EHBP1L1: variants seen among roughly 807,000 people sequenced by gnomAD.
EHBP1L1 encodes the protein EH domain-binding protein 1-like protein 1.
EHBP1L1 carries 122 observed loss-of-function variants against 151.1 expected under a neutral mutation model. The ratio of observed to expected loss-of-function variants is 0.81; its 90% CI spans 0.70 to 0.94. The LOEUF is 0.94. EHBP1L1 is among the 40% of genes least tolerant of loss of function. EHBP1L1 has a pLI of 0.00. For missense variants in EHBP1L1, 1,941 were observed against 1,959.8 expected (o/e 0.99, Z 0.18); for synonymous variants, 878 against 810.1 (o/e 1.08, Z -1.42).
At position 65,582,756 on chromosome 11, in the gene EHBP1L1, A is replaced by G. The variant is rs781045431; in HGVS notation, c.2084A>G (p.Gln695Arg). The change falls in exon 9 of 19, where the codon CAG (glutamine) becomes CGG (arginine). Residue 695 changes from glutamine to arginine, a missense_variant. By Grantham distance (43) the Gln-to-Arg change is conservative (BLOSUM62 1). Coordinates refer to ENST00000309295, the MANE Select transcript of EHBP1L1 (RefSeq NM_001099409.3). ...CCACTGAAGATAGAAGATACAATAC[A>G]GTCTGAGATGCTGGGGACCCAGGAG... ...LGPLKIEDTI[Q>R]SEMLGTQETE... The G allele has an allele frequency of 2.5e-6, 4 of 1,613,494 alleles. No individual in the cohort carries two copies. Among genetic ancestry groups the G allele is most frequent in the Non-Finnish European group, 3.4e-6 (4 of 1,179,850 alleles).
At chr11:65,587,239 G>A (rs1858017774) in intron 12 of EHBP1L1, among the ~76,000 whole-genome samples, 1 of 152,210 alleles carries the variant, frequency 6.6e-6, no homozygotes, top group Admixed American at 6.5e-5. Context: ...CGGGCATGGT[G>A]GTACAGGCCT....
In EHBP1L1 at chr11:65,579,140, G is replaced by C. The variant is rs1393418557; in HGVS notation, c.162+5G>C. The stretch of plus-strand genomic sequence containing the variant: ...AACCGACGCATCTGCTCCAAGGTGG[G>C]GAAGGATGGCAACTGGGGATCCAGG... On this transcript the variant is annotated splice_donor_5th_base_variant and intron_variant, in intron 2 of 18. Coordinates refer to ENST00000309295, the MANE Select transcript of EHBP1L1 (RefSeq NM_001099409.3). 1.3e-6 allele frequency: 2 copies of C among 1,590,774 alleles called. No homozygotes were observed. Among genetic ancestry groups the C allele is most frequent in the African/African-American group, 2.7e-5 (2 of 74,510 alleles).
intron 12 of EHBP1L1, among the ~76,000 whole-genome samples, chr11:65,586,002 TTCCCTGCAGG>T (rs1857950559): frequency 1.3e-5 from 2 of 152,284 alleles, no homozygotes; most frequent in Middle Eastern, 3.4e-3. Context: ...GGGCATTTCT[TTCCCTGCAGG>T]TGGCTCATCG....
In EHBP1L1 at chr11:65,582,397, G is replaced by C; in HGVS notation, c.1725G>C (p.Glu575Asp). The part of the protein sequence containing the change: ...GGSGDLETET[E>D]VVGLEVLGTQ... Reference sequence around the variant, plus strand: ...CAGGGGACCTGGAAACAGAGACTGAGGTGGTAGGGTTGGAGGTGCTGGGAA... The same window carrying C: ...CAGGGGACCTGGAAACAGAGACTGACGTGGTAGGGTTGGAGGTGCTGGGAA... Residue 575 changes from glutamate to aspartate, a missense_variant, in exon 9 of 19, where the codon GAG (glutamate) becomes GAC (aspartate). Coordinates refer to ENST00000309295, the MANE Select transcript of EHBP1L1 (RefSeq NM_001099409.3). 1 of 1,605,636 alleles carries C rather than the reference G, an allele frequency of 6.2e-7. No homozygotes were observed. The highest frequency in any genetic ancestry group is 1.1e-5 in the South Asian group (1 of 90,398).
chr11:65,583,886 C>T, intron 9 of EHBP1L1, 121 bp downstream of exon 9: 1 of 1,421,050 alleles, frequency 7.0e-7, no homozygotes, highest in South Asian at 1.6e-5. Flanking sequence ...GGGGGCTCAG[C>T]TTGAAGGAGC....
intron 11 of EHBP1L1, 123 bp from the exon 12 acceptor site, chr11:65,584,836 C>T (rs892751180): frequency 9.3e-6 from 12 of 1,290,450 alleles, no homozygotes; most frequent in Middle Eastern, 2.6e-4. Context: ...TAGGAGGGGG[C>T]GGTGTTGCTA....
chr11:65,592,110 G>C lies in EHBP1L1; in HGVS notation c.4472+20G>C, dbSNP rs1285768552. 6.2e-7 allele frequency: 1 copy of C among 1,612,062 alleles called. No individual in the cohort carries two copies. On this transcript the variant is annotated intron_variant, in intron 18 of 18. Coordinates refer to ENST00000309295, the MANE Select transcript of EHBP1L1 (RefSeq NM_001099409.3). ...GCGGATGTGAGTGGCGCTGGGCGGC[G>C]CTGGGAGTTGGGAGGGTCCGGGACT...
Position 65,582,158 on chromosome 11 carries a change from G to A in EHBP1L1, c.1486G>A (p.Glu496Lys), listed in dbSNP as rs759516296. 6.3e-6 allele frequency: 10 copies of A among 1,583,248 alleles called. No homozygotes were observed. Among genetic ancestry groups the A allele is most frequent in the South Asian group, 2.3e-5 (2 of 87,020 alleles). ...AGHSGQLGDL[E>K]GARAAAGQER... is the part of the protein sequence containing the mutation. The stretch of plus-strand genomic sequence containing the variant: ...GCACTCTGGGCAACTTGGTGACCTC[G>A]AGGGGGCCAGGGCTGCTGCAGGCCA... The change falls in exon 9 of 19, where the codon GAG becomes AAG. Residue 496 changes from glutamate to lysine, a missense_variant. Physicochemically the swap from Glu to Lys is moderately conservative, Grantham distance 56. Coordinates refer to ENST00000309295, the MANE Select transcript of EHBP1L1 (RefSeq NM_001099409.3).
At position 65,585,486 on chromosome 11, in the gene EHBP1L1, C is replaced by A; in HGVS notation, c.3828C>A (p.His1276Gln). Residue 1276 changes from histidine to glutamine, a missense_variant, in exon 12 of 19, where the codon CAC (histidine) becomes CAA (glutamine). Physicochemically the swap from His to Gln is conservative, Grantham distance 24. Transcript: ENST00000309295. This position sits in a 1 kb window ranked among gnomAD's most constrained non-coding sequence, Gnocchi z 4.0. ...PPPRAHGSFSHVRDADLLKKR... is the reference protein window; with the variant it reads ...PPPRAHGSFSQVRDADLLKKR... ...CCCGCGCGCACGGCTCCTTCTCCCA[C>A]GTGCGCGACGCGGACCTGCTCAAGA... 6.5e-7 allele frequency: 1 copy of A among 1,543,674 alleles called. No individual in the cohort carries two copies. The highest frequency in any genetic ancestry group is 1.4e-5 in the African/African-American group (1 of 73,230).
Position 65,585,562 on chromosome 11 carries a change from G to T in EHBP1L1, c.3904G>T (p.Asp1302Tyr), listed in dbSNP as rs1208124733. 2.5e-6 allele frequency: 4 copies of T among 1,582,266 alleles called. No homozygotes were observed. The highest frequency in any genetic ancestry group is 3.4e-6 in the Non-Finnish European group (4 of 1,171,696). ...CAGCTCGTTCTCGATGGACGATCCG[G>T]ACGCGGGAGCCATGGGAGCTGCGGC... Reference protein sequence around the residue: ...NSSSFSMDDPDAGAMGAAAAE... With the variant: ...NSSSFSMDDPYAGAMGAAAAE... Residue 1302 changes from aspartate (D) to tyrosine (Y), a missense_variant, in exon 12 of 19, where the codon GAC (aspartate) becomes TAC (tyrosine). Coordinates refer to ENST00000309295, the MANE Select transcript of EHBP1L1 (RefSeq NM_001099409.3). The surrounding 1 kb of genome is among the most constrained non-coding windows in gnomAD (Gnocchi z 4.0).
At position 65,579,938 on chromosome 11, in the gene EHBP1L1, C is replaced by A. The variant is rs754651986; in HGVS notation, c.261C>A (p.Asp87Glu). ...NVDISVTLYR[D>E]PHVDQYEAKE... is the part of the protein sequence containing the mutation. ...CTCACCAGCACCCTTCTTCCCAGGA[C>A]CCCCACGTGGACCAGTATGAGGCCA... The change falls in exon 4 of 19, where the codon GAC becomes GAA. Residue 87 changes from aspartate (D) to glutamate (E), a missense_variant and splice_region_variant. Transcript: ENST00000309295. 2.5e-6 allele frequency: 4 copies of A among 1,613,728 alleles called. No individual in the cohort carries two copies. The highest frequency in any genetic ancestry group is 2.2e-5 in the South Asian group (2 of 91,080).
chr11:65,582,766 G>A lies in EHBP1L1; in HGVS notation c.2094G>A (p.Met698Ile), dbSNP rs775705867. 23 of 1,613,532 alleles carry A rather than the reference G, an allele frequency of 1.4e-5. No homozygotes were observed. Among genetic ancestry groups the A allele is most frequent in the Admixed American group, 1.7e-5 (1 of 60,004 alleles). ...LKIEDTIQSE[M>I]LGTQETEVEA... The stretch of plus-strand genomic sequence containing the variant: ...TAGAAGATACAATACAGTCTGAGAT[G>A]CTGGGGACCCAGGAGACAGAGGTGG... The change falls in exon 9 of 19, where the codon ATG becomes ATA. Residue 698 changes from methionine to isoleucine, a missense_variant. Coordinates refer to ENST00000309295, the MANE Select transcript of EHBP1L1 (RefSeq NM_001099409.3).
chr11:65,591,871 A>G lies in EHBP1L1; in HGVS notation c.4355A>G (p.Glu1452Gly). ...SRELRAMLAI[E>G]DWQKTSAQQH... ...GAGCTGCGGGCCATGCTGGCCATCGAAGGTGGGACATGGGCTCAGGGGCCG... is the reference window on the plus strand; with the variant it reads ...GAGCTGCGGGCCATGCTGGCCATCGGAGGTGGGACATGGGCTCAGGGGCCG... The change falls in exon 17 of 19, where the codon GAA (glutamate) becomes GGA (glycine). Residue 1452 changes from glutamate to glycine, a missense_variant and splice_region_variant. Physicochemically the swap from Glu to Gly is moderately conservative, Grantham distance 98 (BLOSUM62 -2). Transcript: ENST00000309295. 1 of 1,585,152 alleles carries G rather than the reference A, an allele frequency of 6.3e-7. No individual in the cohort carries two copies. Among genetic ancestry groups the G allele is most frequent in the Non-Finnish European group, 8.6e-7 (1 of 1,166,262 alleles).
Position 65,591,789 on chromosome 11 carries a change from C to CCCCCCACA in EHBP1L1, c.4284-10_4284-9insCCCCACAC. The CCCCCCACA allele has an allele frequency of 1.9e-6, 3 of 1,540,420 alleles. No homozygotes were observed. Among genetic ancestry groups the CCCCCCACA allele is most frequent in the Non-Finnish European group, 2.6e-6 (3 of 1,140,894 alleles). On this transcript the variant is annotated splice_polypyrimidine_tract_variant and intron_variant, in intron 16 of 18. Transcript: ENST00000309295. ...CCACCCCCCCGCCACCCACCCCCCG[C>CCCCCCACA]CACCTTCCAGCATGGAGGAGCAGGA...
At chr11:65,576,601 G>C (rs1256161199) in intron 1 of EHBP1L1, among the ~76,000 whole-genome samples, 195 bp downstream of exon 1, 1 of 152,212 alleles carries the variant, frequency 6.6e-6, no homozygotes, top group African/African-American at 2.4e-5. Context: ...AGTTGGGGGC[G>C]TGGGCAGCCT....
At position 65,576,368 on chromosome 11, in the gene EHBP1L1, C is replaced by T. The variant is rs2135209993; in HGVS notation, c.66C>T (p.Ala22=). The T allele has an allele frequency of 1.3e-6, 2 of 1,596,972 alleles. No individual in the cohort carries two copies. Among genetic ancestry groups the T allele is most frequent in the Middle Eastern group, 1.7e-4 (1 of 6,042 alleles). ...GGGCGGCCAAGTTCCAGTTCGTGGC[C>T]TGTTACCACGAGCTAGTGTTGGAGT... ...GKRAAKFQFV[A]CYHELVLECT... The change falls in exon 1 of 19, where the codon GCC becomes GCT. Residue 22 remains alanine (A), a synonymous_variant. Transcript: ENST00000309295.
intron 1 of EHBP1L1, among the ~76,000 whole-genome samples, chr11:65,577,918 C>T (rs763216872): frequency 2.6e-5 from 4 of 152,166 alleles, no homozygotes; most frequent in African/African-American, 4.8e-5. Flanking sequence ...CCCAGCATCA[C>T]GAGAGGGTGC....
At chr11:65,578,787 T>C (rs777242774) in intron 1 of EHBP1L1, among the ~76,000 whole-genome samples, 3 of 152,240 alleles carry the variant, frequency 2.0e-5, no homozygotes, top group Non-Finnish European at 2.9e-5. Flanking sequence ...TGTGTCTTGG[T>C]CTCTGTATGT....
Position 65,580,498 on chromosome 11 carries a change from G to A in EHBP1L1, c.634+19G>A, listed in dbSNP as rs778627698. 8 of 1,607,204 alleles carry A rather than the reference G, an allele frequency of 5.0e-6. No individual in the cohort carries two copies. The highest frequency in any genetic ancestry group is 4.4e-5 in the South Asian group (4 of 90,880). ...CAGCCAGGTGGGCTCACAGCCTGCT[G>A]TGGATCGAGACTGCCAAGACCTGGG... On this transcript the variant is annotated intron_variant, in intron 6 of 18. Transcript: ENST00000309295.
Sources: gnomAD v4.1 joint callset for allele counts (sites outside exome capture counted in the v4.1 genomes callset) on GRCh38, gnomAD v4.1.1 for gene constraint, Gnocchi (gnomAD v3.1) non-coding constraint, MANE v1.5 for transcripts, NCBI Gene and HGNC (gene_info 2026-07-23, HGNC 2026-07-21) for gene names.